CCDC178: variants seen among roughly 807,000 people sequenced by gnomAD.
CCDC178 encodes the protein coiled-coil domain-containing protein 178.
Under a neutral mutation model 117.4 loss-of-function variants are expected in CCDC178, and 126 were observed. The ratio of observed to expected loss-of-function variants is 1.07; its 90% CI spans 0.93 to 1.24. The LOEUF (loss-of-function observed/expected upper bound fraction) is 1.24, where lower values mean the gene tolerates loss of function less well. Ranked by LOEUF, CCDC178 falls within the 50% of genes most tolerant of loss-of-function variation. The probability of loss-of-function intolerance (pLI) is 0.00; values close to 1 mark genes in which losing one functional copy is unlikely to be tolerated. For synonymous variants in CCDC178, 283 were observed against 313.4 expected, an observed-to-expected ratio of 0.90 and a Z score of 1.02; for missense variants, 1,030 against 986.9, an observed-to-expected ratio of 1.04 and a Z score of -0.59.
At chr18:33,251,320 A>G (rs2059616864) in intron 14 of CCDC178, among the ~76,000 whole-genome samples, 1 of 151,772 alleles carries the variant, frequency 6.6e-6, no homozygotes, top group African/African-American at 2.4e-5. Flanking sequence ...CATTCATTAT[A>G]TCTATACTCC....
intron 22 of CCDC178, among the ~76,000 whole-genome samples, chr18:32,948,356 A>C (rs957927885): frequency 7.2e-5 from 11 of 152,190 alleles, no homozygotes; most frequent in Admixed American, 2.6e-4. Context: ...TTTATTCAGG[A>C]CTTCTTTAAT....
chr18:32,948,638 T>C (rs2054408685), intron 22 of CCDC178, among the ~76,000 whole-genome samples: 2 of 152,110 alleles, frequency 1.3e-5, no homozygotes, highest in African/African-American at 4.8e-5. Context: ...TGATATTATA[T>C]CATTTAAAAA....
chr18:33,036,769 G>T (rs1294668829), intron 21 of CCDC178, among the ~76,000 whole-genome samples: 1 of 151,820 alleles, frequency 6.6e-6, no homozygotes, highest in Admixed American at 6.6e-5. Context: ...ATCACTGAAG[G>T]GTTTTAAATA....
intron 2 of CCDC178, among the ~76,000 whole-genome samples, chr18:33,431,962 G>A (rs17740734): frequency 6.6e-6 from 1 of 152,076 alleles, no homozygotes; most frequent in African/African-American, 2.4e-5. Context: ...AGGTCTGTGA[G>A]CCCAGCAAGG....
At chr18:33,374,035 A>G (rs1473216174) in intron 5 of CCDC178, among the ~76,000 whole-genome samples, 3 of 152,180 alleles carry the variant, frequency 2.0e-5, no homozygotes, top group South Asian at 2.1e-4. Flanking sequence ...GAGTCCCACA[A>G]TCACCAAGCT....
intron 11 of CCDC178, among the ~76,000 whole-genome samples, chr18:33,316,241 C>G (rs1345636008): frequency 6.6e-6 from 1 of 152,134 alleles, no homozygotes; most frequent in Non-Finnish European, 1.5e-5. Flanking sequence ...GAGGCGCCGG[C>G]GGGAACCGGG....
At chr18:33,411,185 T>C (rs1283003220) in intron 3 of CCDC178, among the ~76,000 whole-genome samples, 8 of 152,186 alleles carry the variant, frequency 5.3e-5, no homozygotes, top group Non-Finnish European at 1.2e-4. Context: ...GGTTGTTACA[T>C]AGCATCAGTG....
chr18:32,965,818 AT>A (rs1343395688), intron 22 of CCDC178, among the ~76,000 whole-genome samples: 3 of 150,914 alleles, frequency 2.0e-5, no homozygotes, highest in African/African-American at 2.4e-5. Flanking sequence ...TATATTATTA[AT>A]TTTTTTGTAC....
intron 21 of CCDC178, among the ~76,000 whole-genome samples, chr18:33,060,318 C>A (rs1378987660): frequency 2.6e-5 from 4 of 151,828 alleles, no homozygotes. Flanking sequence ...CATGTAATAC[C>A]CTATAGAAAA....
At chr18:33,379,489 G>A (rs2063412684) in intron 5 of CCDC178, among the ~76,000 whole-genome samples, 1 of 152,080 alleles carries the variant, frequency 6.6e-6, no homozygotes, top group East Asian at 1.9e-4. Context: ...GGAGTATACA[G>A]TCTGAGTTCC....
chr18:33,104,807 G>A (rs1419679094), intron 20 of CCDC178, among the ~76,000 whole-genome samples: 2 of 151,668 alleles, frequency 1.3e-5, no homozygotes, highest in Admixed American at 1.3e-4. Context: ...ACAAATGTAT[G>A]AAATTAAAAA....
At chr18:32,942,617 C>T (rs578053527) in intron 22 of CCDC178, among the ~76,000 whole-genome samples, 9 of 152,094 alleles carry the variant, frequency 5.9e-5, no homozygotes, top group African/African-American at 1.7e-4. Flanking sequence ...GTATATATTT[C>T]AGTTGATTAA....
chr18:32,989,492 C>T (rs1159594193), intron 21 of CCDC178, among the ~76,000 whole-genome samples: 1 of 152,080 alleles, frequency 6.6e-6, no homozygotes. Flanking sequence ...GAGCTAGATA[C>T]TAAATATTTA....
intron 12 of CCDC178, among the ~76,000 whole-genome samples, chr18:33,282,852 T>C (rs537111182): frequency 1.3e-4 from 20 of 152,118 alleles, no homozygotes; most frequent in Admixed American, 7.9e-4. Flanking sequence ...CTTGTGTTAA[T>C]ACTGTGCAGA....
At chr18:33,087,220 C>T (rs912198780) in intron 21 of CCDC178, among the ~76,000 whole-genome samples, 10 of 152,054 alleles carry the variant, frequency 6.6e-5, no homozygotes, top group Non-Finnish European at 1.0e-4. Context: ...ATTGAAAATA[C>T]CCTCAAAACT....
chr18:33,143,195 C>T (rs560780362), intron 20 of CCDC178, among the ~76,000 whole-genome samples: 1 of 152,146 alleles, frequency 6.6e-6, no homozygotes, highest in South Asian at 2.1e-4. Flanking sequence ...GCAAAACAGT[C>T]ATCACAAATA....
intron 20 of CCDC178, among the ~76,000 whole-genome samples, chr18:33,185,049 C>G (rs1358727992): frequency 6.6e-6 from 1 of 151,834 alleles, no homozygotes; most frequent in Non-Finnish European, 1.5e-5. Context: ...AGTATGACAA[C>G]AGCAATACTG....
At chr18:33,204,652 C>G (rs2059028673) in intron 20 of CCDC178, among the ~76,000 whole-genome samples, 1 of 152,082 alleles carries the variant, frequency 6.6e-6, no homozygotes, top group African/African-American at 2.4e-5. Context: ...TGTATAAACT[C>G]AATTGCCTAC....
At chr18:33,017,856 G>A (rs553731298) in intron 21 of CCDC178, among the ~76,000 whole-genome samples, 26 of 151,912 alleles carry the variant, frequency 1.7e-4, no homozygotes, top group African/African-American at 5.1e-4. Context: ...GAAAATCTTC[G>A]TAATTTTGGA....
Sources: allele counts gnomAD v4.1 joint callset (sites outside exome capture counted in the v4.1 genomes callset), GRCh38; gene constraint gnomAD v4.1.1; transcripts MANE v1.5; gene names NCBI Gene and HGNC (gene_info 2026-07-23, HGNC 2026-07-21).